The following POLN variants were observed in gnomAD, a reference collection of about 807,000 sequenced individuals.
The protein encoded by POLN is DNA polymerase N.
A neutral mutation model predicts 113.5 loss-of-function variants in POLN; 108 were observed. That is an observed-to-expected ratio of 0.95 (90% CI 0.81 to 1.12). The LOEUF (loss-of-function observed/expected upper bound fraction) is 1.12, where lower values mean the gene tolerates loss of function less well. POLN is among the 50% of genes most tolerant of loss of function. The probability of loss-of-function intolerance (pLI) is 0.00; values close to 1 mark genes in which losing one functional copy is unlikely to be tolerated. For missense variants in POLN, 1,097 were observed against 1,077.1 expected, an observed-to-expected ratio of 1.02 and a Z score of -0.26; for synonymous variants, 386 against 391.5, an observed-to-expected ratio of 0.99 and a Z score of 0.17.
chr4:2,086,113 G>T (rs932230900), intron 20 of POLN, among the ~76,000 whole-genome samples: 2 of 152,148 alleles, frequency 1.3e-5, no homozygotes, highest in African/African-American at 4.8e-5. Flanking sequence ...TGAGAAAATG[G>T]TGCTCAGGAG....
At chr4:2,148,921 GA>G (rs1398478117) in intron 16 of POLN, among the ~76,000 whole-genome samples, 1 of 151,712 alleles carries the variant, frequency 6.6e-6, no homozygotes, top group African/African-American at 2.4e-5. Flanking sequence ...AAAGTATTGA[GA>G]AAAAAAACCT....
intron 20 of POLN, chr4:2,088,653 C>G: frequency 1.4e-6 from 1 of 736,016 alleles, no homozygotes. Context: ...AAGTGATCCT[C>G]TAAGACTTTA....
chr4:2,162,174 C>A (rs1244930055), intron 13 of POLN, among the ~76,000 whole-genome samples: 1 of 152,142 alleles, frequency 6.6e-6, no homozygotes, highest in Non-Finnish European at 1.5e-5. Flanking sequence ...TTTGCTACTG[C>A]TCACTCTTTG....
At chr4:2,078,499 C>A in intron 23 of POLN, 55 of 630,854 alleles carry the variant, frequency 8.7e-5, no homozygotes, top group Non-Finnish European at 1.0e-4. Flanking sequence ...GTTAGACAGA[C>A]TCTCGCTCTC....
chr4:2,189,531 T>C (rs28790324), intron 7 of POLN, among the ~76,000 whole-genome samples: 36,808 of 150,314 alleles, frequency 0.24, 6,941 homozygotes, highest in African/African-American at 0.51. Context: ...CCCAGCTACT[T>C]GGGAGGCTGA....
At chr4:2,209,341 A>G (rs1733933216) in intron 4 of POLN, among the ~76,000 whole-genome samples, 1 of 151,794 alleles carries the variant, frequency 6.6e-6, no homozygotes, top group Admixed American at 6.6e-5. Context: ...TTAGTTGGGC[A>G]TGGTGGAGCA....
At position 2,191,858 on chromosome 4, in the gene POLN, G is replaced by A. The variant is rs985271223; in HGVS notation, c.1021+1346C>T. Reference sequence around the variant, plus strand: ...AGCAAAAGATTGGCTGGAGCCAGGCGCAGTGGGTCACTTTGGGAGGCCGAG... The same window carrying A: ...AGCAAAAGATTGGCTGGAGCCAGGCACAGTGGGTCACTTTGGGAGGCCGAG... On this transcript the variant is annotated intron_variant, in intron 7 of 25. Coordinates refer to ENST00000511885, the MANE Select transcript of POLN (RefSeq NM_181808.4). Among the ~76,000 whole-genome samples the A allele has an allele frequency of 5.3e-5, 8 of 152,060 alleles. No homozygotes were observed. In the East Asian group the frequency reaches 1.4e-3, roughly 26 times the overall value.
At chr4:2,102,675 G>T (rs539761599) in intron 19 of POLN, among the ~76,000 whole-genome samples, 21 of 152,298 alleles carry the variant, frequency 1.4e-4, no homozygotes, top group African/African-American at 4.3e-4. Flanking sequence ...GGACAGACAT[G>T]CTTAGCCCAC....
At chr4:2,167,741 G>A (rs1204179623) in intron 13 of POLN, among the ~76,000 whole-genome samples, 1 of 152,022 alleles carries the variant, frequency 6.6e-6, no homozygotes, top group Non-Finnish European at 1.5e-5. Context: ...TCTACTGAAA[G>A]TACAAAAATT....
intron 24 of POLN, among the ~76,000 whole-genome samples, chr4:2,074,775 G>A (rs1730236544): frequency 6.6e-6 from 1 of 152,194 alleles, no homozygotes; most frequent in Non-Finnish European, 1.5e-5. Flanking sequence ...CTGGCCTGGA[G>A]AACTGGGGGC....
At chr4:2,103,614 G>A (rs1458741857) in intron 19 of POLN, among the ~76,000 whole-genome samples, 1 of 151,996 alleles carries the variant, frequency 6.6e-6, no homozygotes, top group Admixed American at 6.5e-5. Context: ...GCAATCCCCG[G>A]GAAAATACAA....
chr4:2,218,277 C>CAAAAAAAAAAAAA (rs376746658), intron 3 of POLN, among the ~76,000 whole-genome samples: 1 of 89,782 alleles, frequency 1.1e-5, no homozygotes, highest in African/African-American at 3.8e-5. Flanking sequence ...ACTAAAAATA[C>CAAAAAAAAAAAAA]AAAAAAAAAA....
At chr4:2,229,000 C>T (rs991847125) in intron 3 of POLN, 99 bp downstream of exon 3, 2 of 1,214,510 alleles carry the variant, frequency 1.6e-6, no homozygotes, top group Non-Finnish European at 2.3e-6. Flanking sequence ...GGGAGCTGGG[C>T]TTCATCTGTC....
intron 2 of POLN, chr4:2,240,247 T>G (rs1274431045): frequency 1.9e-6 from 3 of 1,613,694 alleles, no homozygotes; most frequent in Non-Finnish European, 2.5e-6. Flanking sequence ...TTGTCTTCAT[T>G]TGAACTTTCA....
At chr4:2,170,370 T>C (rs1267652013) in intron 13 of POLN, among the ~76,000 whole-genome samples, 1 of 152,222 alleles carries the variant, frequency 6.6e-6, no homozygotes, top group African/African-American at 2.4e-5. Context: ...CTAGTTCCTC[T>C]TGGGGACACG....
At chr4:2,105,967 G>C (rs1731056577) in intron 19 of POLN, among the ~76,000 whole-genome samples, 1 of 152,076 alleles carries the variant, frequency 6.6e-6, no homozygotes, top group South Asian at 2.1e-4. Context: ...GCCTTCTTAA[G>C]ATGCCCTGGA....
intron 7 of POLN, among the ~76,000 whole-genome samples, chr4:2,185,570 AC>A (rs2108753597): frequency 6.6e-6 from 1 of 152,284 alleles, no homozygotes; most frequent in South Asian, 2.1e-4. Context: ...ACATGGTGAA[AC>A]CCCTCTCTAC....
At chr4:2,211,106 C>G (rs1733982176) in intron 4 of POLN, among the ~76,000 whole-genome samples, 1 of 149,056 alleles carries the variant, frequency 6.7e-6, no homozygotes, top group Admixed American at 6.7e-5. Flanking sequence ...CAAAAATTAG[C>G]TGGGTGTGGT....
chr4:2,185,512 G>A lies in POLN; in HGVS notation c.1022-6047C>T, dbSNP rs188895389. ...TGTAATCCCAGCACTTTGGGAGGCC[G>A]AGGCAGGCAGATTACTTGAGGTCAG... On this transcript the variant is annotated intron_variant, in intron 7 of 25. Transcript: ENST00000511885. Among the ~76,000 whole-genome samples the A allele has an allele frequency of 5.9e-5, 9 of 152,342 alleles. 1 individual carries two copies. Among genetic ancestry groups the A allele is most frequent in the East Asian group, 3.9e-4 (2 of 5,188 alleles).
Sources: gnomAD v4.1 joint callset for allele counts (sites outside exome capture counted in the v4.1 genomes callset) on GRCh38, gnomAD v4.1.1 for gene constraint, MANE v1.5 for transcripts, NCBI Gene and HGNC (gene_info 2026-07-23, HGNC 2026-07-21) for gene names.